Variants in EEF1AKMT2 observed in about 807,000 individuals in gnomAD.
EEF1AKMT2 encodes eukaryotic translation elongation factor 1 alpha lysine methyltransferase 2.
A neutral mutation model predicts 35.8 loss-of-function variants in EEF1AKMT2; 32 were observed. That is an observed-to-expected ratio of 0.89 (90% CI 0.67 to 1.20). The LOEUF (loss-of-function observed/expected upper bound fraction) is 1.20. Ranked by LOEUF, EEF1AKMT2 falls within the 50% of genes most tolerant of loss-of-function variation. The probability of loss-of-function intolerance (pLI) is 0.00; values close to 1 mark genes in which losing one functional copy is unlikely to be tolerated. For missense variants in EEF1AKMT2, 330 were observed against 347.5 expected, an observed-to-expected ratio of 0.95 and a Z score of 0.40; for synonymous variants, 121 against 133.7, an observed-to-expected ratio of 0.91 and a Z score of 0.65.
chr10:124,758,519 A>G lies in EEF1AKMT2; in HGVS notation c.*1984T>C, dbSNP rs1238059852. On this transcript the variant is annotated 3_prime_UTR_variant, in exon 7 of 7. Transcript: ENST00000368836. ...GCTCTATGGTTAAAAAAAAAAAAAAAAAGAAAACCTTCACCTTTGCAAATG... is the reference window on the plus strand; with the variant it reads ...GCTCTATGGTTAAAAAAAAAAAAAAGAAGAAAACCTTCACCTTTGCAAATG... The G allele has an allele frequency of 6.6e-6, 1 of 151,912 alleles. No individual in the cohort carries two copies. Among genetic ancestry groups the G allele is most frequent in the Non-Finnish European group, 1.5e-5 (1 of 67,970 alleles). 9.4% of individuals were successfully genotyped at this position (151,912 alleles called of 1,614,324 possible). A position where few individuals can be genotyped will look rare whatever the true frequency, so the allele number is the denominator to read the frequency against.
At chr10:124,764,285 C>T (rs1950358141) in intron 5 of EEF1AKMT2, among the ~76,000 whole-genome samples, 1 of 140,034 alleles carries the variant, frequency 7.1e-6, no homozygotes, top group Admixed American at 7.8e-5. Flanking sequence ...TTATCCTATC[C>T]TTTAAAAAGT....
intron 5 of EEF1AKMT2, 142 bp from the exon 6 acceptor site, chr10:124,762,700 A>G (rs1950342971): frequency 2.6e-6 from 1 of 383,916 alleles, no homozygotes. Flanking sequence ...ACCGAATATT[A>G]TAATGCTTAT....
chr10:124,775,418 A>C (rs182445539), intron 3 of EEF1AKMT2, among the ~76,000 whole-genome samples: 1 of 152,210 alleles, frequency 6.6e-6, no homozygotes, highest in Non-Finnish European at 1.5e-5. Flanking sequence ...CCATTAACCC[A>C]TCTAGGCTGT....
rs1478907176 is a variant in EEF1AKMT2 at position 124,760,206 on chromosome 10, T to A, written c.*297A>T. The stretch of plus-strand genomic sequence containing the variant: ...TTACATTTCAAATACAAAAGAAAAT[T>A]AAAATTATTCTTGATTGATCTCTAA... On this transcript the variant is annotated 3_prime_UTR_variant, in exon 7 of 7. Coordinates refer to ENST00000368836, the MANE Select transcript of EEF1AKMT2 (RefSeq NM_212554.4). The A allele has an allele frequency of 4.9e-6, 2 of 411,658 alleles. No individual in the cohort carries two copies. The highest frequency in any genetic ancestry group is 2.0e-5 in the African/African-American group (1 of 49,356). 25.5% of individuals were successfully genotyped at this position (411,658 alleles called of 1,614,324 possible).
intron 3 of EEF1AKMT2, among the ~76,000 whole-genome samples, chr10:124,779,003 A>G (rs1950512774): frequency 1.3e-5 from 2 of 152,202 alleles, no homozygotes; most frequent in Admixed American, 6.5e-5. Flanking sequence ...GGCTGTTAAT[A>G]TAACAAAAAG....
chr10:124,777,261 A>G (rs1472294760), intron 3 of EEF1AKMT2, among the ~76,000 whole-genome samples: 1 of 151,476 alleles, frequency 6.6e-6, no homozygotes, highest in Non-Finnish European at 1.5e-5. Flanking sequence ...CCTGGGCTAC[A>G]AGAGCAAAAC....
intron 3 of EEF1AKMT2, among the ~76,000 whole-genome samples, chr10:124,777,002 G>T (rs757459304): frequency 6.6e-6 from 1 of 151,750 alleles, no homozygotes; most frequent in South Asian, 2.1e-4. Context: ...AATATGGGCC[G>T]GGCATGGTGG....
At chr10:124,761,289 A>G (rs1950329432) in intron 6 of EEF1AKMT2, among the ~76,000 whole-genome samples, 1 of 152,266 alleles carries the variant, frequency 6.6e-6, no homozygotes, top group Non-Finnish European at 1.5e-5. Flanking sequence ...ACTTGGAAAT[A>G]TAAATGAATT....
intron 4 of EEF1AKMT2, among the ~76,000 whole-genome samples, chr10:124,767,172 A>AC (rs1439356870): frequency 4.3e-4 from 62 of 144,394 alleles, no homozygotes; most frequent in Admixed American, 6.2e-4. Context: ...AAAAAAAAAA[A>AC]AAAAAAAAAA....
chr10:124,766,678 G>C (rs544692552), intron 4 of EEF1AKMT2, among the ~76,000 whole-genome samples: 7 of 152,262 alleles, frequency 4.6e-5, no homozygotes, highest in African/African-American at 1.7e-4. Context: ...ATATTGGAAG[G>C]TGGGTCTTCT....
At chr10:124,770,328 A>G (rs1045343549) in intron 4 of EEF1AKMT2, among the ~76,000 whole-genome samples, 1 of 152,272 alleles carries the variant, frequency 6.6e-6, no homozygotes, top group African/African-American at 2.4e-5. Context: ...GAGGCAGGAC[A>G]ATCACTTGAA....
Position 124,760,360 on chromosome 10 carries a change from T to C in EEF1AKMT2, c.*143A>G, listed in dbSNP as rs1950320328. The C allele has an allele frequency of 2.3e-6, 3 of 1,299,996 alleles. No individual in the cohort carries two copies. The highest frequency in any genetic ancestry group is 3.3e-6 in the Non-Finnish European group (3 of 908,306). 80.5% of individuals were successfully genotyped at this position (1,299,996 alleles called of 1,614,324 possible). A position where few individuals can be genotyped will look rare whatever the true frequency, so the allele number is the denominator to read the frequency against. On this transcript the variant is annotated 3_prime_UTR_variant, in exon 7 of 7. Coordinates refer to ENST00000368836, the MANE Select transcript of EEF1AKMT2 (RefSeq NM_212554.4). ...AAGGATTTTCTGTGTCAGGTTAACT[T>C]TGCTGTGTAGATTCTGTGTAGCTAC...
chr10:124,790,682 G>A (rs1950626605), intron 1 of EEF1AKMT2, among the ~76,000 whole-genome samples: 1 of 152,220 alleles, frequency 6.6e-6, no homozygotes, highest in African/African-American at 2.4e-5. Context: ...CTGGTCTCAA[G>A]TGTGCAGGCA....
At chr10:124,771,230 G>T (rs1052047385) in intron 4 of EEF1AKMT2, among the ~76,000 whole-genome samples, 1 of 151,854 alleles carries the variant, frequency 6.6e-6, no homozygotes, top group African/African-American at 2.4e-5. Flanking sequence ...CTCCCAAGTA[G>T]CTGAGACTAC....
intron 3 of EEF1AKMT2, among the ~76,000 whole-genome samples, chr10:124,780,580 AT>A (rs1158672916): frequency 6.6e-6 from 1 of 152,196 alleles, no homozygotes; most frequent in Non-Finnish European, 1.5e-5. Flanking sequence ...CTTTTAAAAA[AT>A]TGAACCTGTG....
At chr10:124,771,571 T>TA (rs1301318139) in intron 4 of EEF1AKMT2, among the ~76,000 whole-genome samples, 1 of 151,802 alleles carries the variant, frequency 6.6e-6, no homozygotes, top group Admixed American at 6.6e-5. Flanking sequence ...TTAACAGGCA[T>TA]AAAAACAAGA....
At chr10:124,780,890 A>G (rs1290982872) in intron 3 of EEF1AKMT2, among the ~76,000 whole-genome samples, 1 of 152,154 alleles carries the variant, frequency 6.6e-6, no homozygotes, top group East Asian at 1.9e-4. Flanking sequence ...ATAGGAAAAC[A>G]ACAATTCAAA....
In EEF1AKMT2 at chr10:124,774,698, CTTCT is replaced by C; in HGVS notation, c.372_375del (p.Glu125ValfsTer7). The C allele has an allele frequency of 6.9e-7, 1 of 1,450,090 alleles. No individual in the cohort carries two copies. Among genetic ancestry groups the C allele is most frequent in the Admixed American group, 2.6e-5 (1 of 39,168 alleles). The allele number at this position is 1,450,090 out of a possible 1,614,324, so 89.8% of individuals were successfully genotyped here. Reference sequence around the variant, plus strand: ...ACCTTTAACTTAATGTTAGATAAACCTTCTTTTTCTATAATACTTCCAGAAAGCT... The same window carrying C: ...ACCTTTAACTTAATGTTAGATAAACCTTTTCTATAATACTTCCAGAAAGCT... On this transcript the variant is annotated frameshift_variant, in exon 4 of 7. Transcript: ENST00000368836. LOFTEE classifies it high-confidence loss of function.
At chr10:124,768,950 C>G (rs1262035692) in intron 4 of EEF1AKMT2, among the ~76,000 whole-genome samples, 3 of 151,284 alleles carry the variant, frequency 2.0e-5, no homozygotes, top group Non-Finnish European at 4.4e-5. Context: ...TAAAACTGGC[C>G]AGAAGCAGTG....
Sources: gnomAD v4.1 joint callset for allele counts (sites outside exome capture counted in the v4.1 genomes callset) on GRCh38, gnomAD v4.1.1 for gene constraint, MANE v1.5 for transcripts, NCBI Gene and HGNC (gene_info 2026-07-23, HGNC 2026-07-21) for gene names.